BTBD8: variants seen among roughly 807,000 people sequenced by gnomAD.
The protein encoded by BTBD8 is BTB domain containing 8.
A neutral mutation model predicts 162.9 loss-of-function variants in BTBD8; 110 were observed. The observed-to-expected ratio is 0.68, with a 90% CI of 0.58 to 0.79. BTBD8 has a LOEUF of 0.79. Ranked by LOEUF, BTBD8 falls within the 30% of genes least tolerant of loss-of-function variation. The probability of loss-of-function intolerance (pLI) is 0.00; values close to 1 mark genes in which losing one functional copy is unlikely to be tolerated. For synonymous variants in BTBD8, 667 were observed against 716.1 expected (o/e 0.93, Z 1.10); for missense variants, 1,905 against 2,085.4 (o/e 0.91, Z 1.68).
chr1:92,163,354 C>CAAAAAAA (rs34760395), intron 9 of BTBD8, among the ~76,000 whole-genome samples: 1 of 20,408 alleles, frequency 4.9e-5, no homozygotes, highest in Non-Finnish European at 8.4e-5. Flanking sequence ...GATTCTGTCT[C>CAAAAAAA]AAAAAAAAAA....
At position 92,171,455 on chromosome 1, in the gene BTBD8, T is replaced by G. The variant is rs1344657393; in HGVS notation, c.1630T>G (p.Ser544Ala). The change falls in exon 13 of 18, where the codon TCG becomes GCG. Residue 544 changes from serine to alanine, a missense_variant. Ser to Ala is a moderately conservative substitution (Grantham distance 99, BLOSUM62 1). Around this residue, in one of 3 missense-constraint regions of BTBD8, gnomAD observed 1,374 missense variants for 1,442.7 expected, o/e 0.95. Coordinates refer to ENST00000636805, the MANE Select transcript of BTBD8 (RefSeq NM_001376131.1). ...TGGCAAAAAGCCTATATTCAGTAGC[T>G]CGCAGGTAAACTTTCTAAATTTTAT... ...RLGKKPIFSS[S>A]QQRKQVSDSG... 6.6e-7 allele frequency: 1 copy of G among 1,517,716 alleles called. No individual in the cohort carries two copies. The highest frequency in any genetic ancestry group is 2.5e-5 in the East Asian group (1 of 39,850). 94.0% of individuals were successfully genotyped at this position (1,517,716 alleles called of 1,614,324 possible). A position where few individuals can be genotyped will look rare whatever the true frequency, so the allele number is the denominator to read the frequency against.
chr1:92,177,480 T>A lies in BTBD8; in HGVS notation c.2287T>A (p.Ser763Thr). ...EEEKPSGHKL[S>T]FCDSPGQMMK... ...AGAAAAGCCTTCTGGACATAAACTATCCTTTTGTGATTCTCCAGGACAGAT... is the reference window on the plus strand; with the variant it reads ...AGAAAAGCCTTCTGGACATAAACTAACCTTTTGTGATTCTCCAGGACAGAT... Residue 763 changes from serine (S) to threonine (T), a missense_variant, in exon 14 of 18, where the codon TCC (serine) becomes ACC (threonine). Physicochemically the swap from Ser to Thr is moderately conservative, Grantham distance 58 (BLOSUM62 1). Transcript: ENST00000636805. 1 of 1,551,412 alleles carries A rather than the reference T, an allele frequency of 6.4e-7. No homozygotes were observed. Among genetic ancestry groups the A allele is most frequent in the Non-Finnish European group, 8.7e-7 (1 of 1,146,966 alleles).
At chr1:92,120,655 A>G (rs1649185283) in intron 4 of BTBD8, among the ~76,000 whole-genome samples, 1 of 152,194 alleles carries the variant, frequency 6.6e-6, no homozygotes, top group Non-Finnish European at 1.5e-5. Context: ...ACCTTCTGTC[A>G]GCTATGACAT....
At chr1:92,138,697 G>A (rs1557453249) in intron 5 of BTBD8, among the ~76,000 whole-genome samples, 1 of 152,206 alleles carries the variant, frequency 6.6e-6, no homozygotes, top group Non-Finnish European at 1.5e-5. Flanking sequence ...ATAGAGGCTG[G>A]GGTAAGATGC....
chr1:92,179,670 A>G (rs188032512), intron 16 of BTBD8, among the ~76,000 whole-genome samples: 9 of 152,174 alleles, frequency 5.9e-5, no homozygotes, highest in African/African-American at 2.2e-4. Context: ...GGATTCCCCA[A>G]ATTAATCCCC....
intron 1 of BTBD8, among the ~76,000 whole-genome samples, chr1:92,085,609 A>G (rs1462472061): frequency 1.3e-5 from 2 of 151,896 alleles, no homozygotes; most frequent in African/African-American, 4.8e-5. Flanking sequence ...GCACACCTGT[A>G]CTCCCAGCTA....
At chr1:92,110,538 G>T (rs776867038) in intron 4 of BTBD8, among the ~76,000 whole-genome samples, 2 of 152,072 alleles carry the variant, frequency 1.3e-5, no homozygotes, top group Non-Finnish European at 2.9e-5. Context: ...ATTACCCCTT[G>T]TTGTGGACCT....
intron 3 of BTBD8, among the ~76,000 whole-genome samples, chr1:92,107,194 A>T (rs1407912311): frequency 6.6e-6 from 1 of 152,180 alleles, no homozygotes; most frequent in Non-Finnish European, 1.5e-5. Flanking sequence ...AAATTTTTCT[A>T]ATTTCTAATT....
intron 3 of BTBD8, among the ~76,000 whole-genome samples, 173 bp from the exon 4 acceptor site, chr1:92,107,711 T>G (rs1438971496): frequency 1.3e-5 from 2 of 152,228 alleles, no homozygotes; most frequent in Admixed American, 6.5e-5. Context: ...TATATATATT[T>G]CAAAGGAGAA....
intron 4 of BTBD8, among the ~76,000 whole-genome samples, chr1:92,116,640 C>T (rs1649048154): frequency 6.6e-6 from 1 of 151,904 alleles, no homozygotes; most frequent in South Asian, 2.1e-4. Flanking sequence ...ATCACCACTC[C>T]AGCTTTCTTA....
chr1:92,184,026 A>G lies in BTBD8; in HGVS notation c.5075A>G (p.His1692Arg), dbSNP rs1333859582. ...GATATGGATTTTGAAGATGACCAACATTTTGCAAAACAAGATTGGACACTA... is the reference window on the plus strand; with the variant it reads ...GATATGGATTTTGAAGATGACCAACGTTTTGCAAAACAAGATTGGACACTA... ...VTDMDFEDDQ[H>R]FAKQDWTLLK... Residue 1692 changes from histidine to arginine, a missense_variant, in exon 18 of 18, where the codon CAT (histidine) becomes CGT (arginine). His to Arg is a conservative substitution (Grantham distance 29). Around this residue, in one of 3 missense-constraint regions of BTBD8, gnomAD observed 517 missense variants for 606.6 expected, o/e 0.85. Coordinates refer to ENST00000636805, the MANE Select transcript of BTBD8 (RefSeq NM_001376131.1). 1 of 1,551,574 alleles carries G rather than the reference A, an allele frequency of 6.4e-7. No individual in the cohort carries two copies. The highest frequency in any genetic ancestry group is 2.0e-5 in the Admixed American group (1 of 50,986).
At chr1:92,099,623 G>T (rs1400441628) in intron 2 of BTBD8, among the ~76,000 whole-genome samples, 1 of 152,014 alleles carries the variant, frequency 6.6e-6, no homozygotes, top group Admixed American at 6.6e-5. Context: ...TATATTCCTG[G>T]TATTTTATTT....
chr1:92,091,335 T>G (rs1302821945), intron 2 of BTBD8, among the ~76,000 whole-genome samples: 1 of 152,172 alleles, frequency 6.6e-6, no homozygotes, highest in East Asian at 1.9e-4. Context: ...CCAGCTATGC[T>G]TCCATGCCTT....
At chr1:92,161,994 C>T (rs988710371) in intron 9 of BTBD8, among the ~76,000 whole-genome samples, 9 of 152,148 alleles carry the variant, frequency 5.9e-5, no homozygotes, top group African/African-American at 2.2e-4. Flanking sequence ...CACCCACCCC[C>T]TTCTTTCTTT....
At chr1:92,109,647 A>G (rs1287364140) in intron 4 of BTBD8, among the ~76,000 whole-genome samples, 1 of 152,202 alleles carries the variant, frequency 6.6e-6, no homozygotes, top group Non-Finnish European at 1.5e-5. Context: ...AGAATAGCCA[A>G]TTTTAAATTA....
chr1:92,175,508 A>G (rs1217583547), intron 13 of BTBD8, among the ~76,000 whole-genome samples: 3 of 141,380 alleles, frequency 2.1e-5, no homozygotes, highest in South Asian at 2.5e-4. Context: ...AAGAATGACA[A>G]TATTGGCCGG....
At chr1:92,109,207 T>A (rs1018328064) in intron 4 of BTBD8, among the ~76,000 whole-genome samples, 1 of 152,068 alleles carries the variant, frequency 6.6e-6, no homozygotes, top group Admixed American at 6.5e-5. Flanking sequence ...GTATATTTCC[T>A]AAATCATGGT....
chr1:92,126,118 T>C, intron 4 of BTBD8: 2 of 490,256 alleles, frequency 4.1e-6, no homozygotes, highest in South Asian at 3.4e-5. Flanking sequence ...TGAAAGCATC[T>C]TACGGTAGCT....
chr1:92,170,384 G>A (rs1053633100), intron 12 of BTBD8, among the ~76,000 whole-genome samples: 2 of 152,062 alleles, frequency 1.3e-5, no homozygotes, highest in African/African-American at 4.8e-5. Context: ...ATGGTTCTGG[G>A]TTGTCTGTTA....
Sources: allele counts gnomAD v4.1 joint callset (sites outside exome capture counted in the v4.1 genomes callset), GRCh38; gene constraint gnomAD v4.1.1; regional missense constraint gnomAD v4.1.1; transcripts MANE v1.5; gene names NCBI Gene and HGNC (gene_info 2026-07-23, HGNC 2026-07-21).